Variants in GDPD1 observed in about 807,000 individuals in gnomAD.
The protein encoded by GDPD1 is lysophospholipase D GDPD1.
In GDPD1, 28 loss-of-function variants were observed where a neutral mutation model predicts 45.1. That is an observed-to-expected ratio of 0.62 (90% CI 0.46 to 0.85). GDPD1 has a LOEUF of 0.85. Ranked by LOEUF, GDPD1 falls within the 40% of genes least tolerant of loss-of-function variation. The probability of loss-of-function intolerance (pLI) is 0.00; values close to 1 mark genes in which losing one functional copy is unlikely to be tolerated. For missense variants in GDPD1, 256 were observed against 364.8 expected, an observed-to-expected ratio of 0.70 and a Z score of 2.43; for synonymous variants, 139 against 131.4, an observed-to-expected ratio of 1.06 and a Z score of -0.40.
rs1050614510 is a variant in GDPD1 at position 59,275,044 on chromosome 17, G to T, written c.*1271G>T. The T allele has an allele frequency of 6.2e-6, 5 of 803,122 alleles. No homozygotes were observed. Among genetic ancestry groups the T allele is most frequent in the Non-Finnish European group, 1.0e-5 (5 of 489,802 alleles). The allele number at this position is 803,122 out of a possible 1,614,324, so 49.7% of individuals were successfully genotyped here. On this transcript the variant is annotated 3_prime_UTR_variant, in exon 10 of 10. Transcript: ENST00000284116. ...TTTAGTAGAGACAGGGTTTTGCCAC[G>T]TTGGCCAGACTGGTCTCGAACTCCT...
intron 4 of GDPD1, among the ~76,000 whole-genome samples, chr17:59,251,348 G>C (rs2047252095): frequency 6.6e-6 from 1 of 151,736 alleles, no homozygotes; most frequent in East Asian, 2.0e-4. Context: ...GTGAAACCCT[G>C]TTTCTACTAA....
At chr17:59,259,647 G>T (rs1291273212) in intron 6 of GDPD1, among the ~76,000 whole-genome samples, 1 of 150,202 alleles carries the variant, frequency 6.7e-6, no homozygotes, top group African/African-American at 2.4e-5. Flanking sequence ...TTCTAGGGAG[G>T]CTGAGGCAGG....
At chr17:59,250,597 CAGTG>C (rs2047245257) in intron 4 of GDPD1, among the ~76,000 whole-genome samples, 1 of 127,346 alleles carries the variant, frequency 7.9e-6, no homozygotes, top group South Asian at 2.4e-4. Flanking sequence ...GCCTGGGTGA[CAGTG>C]AGACCTTGTC....
chr17:59,237,802 G>A, intron 2 of GDPD1, among the ~76,000 whole-genome samples: 1 of 152,010 alleles, frequency 6.6e-6, no homozygotes, highest in African/African-American at 2.4e-5. Flanking sequence ...GGGTGCAGTG[G>A]CTCACACCTG....
chr17:59,267,885 G>C (rs780383225), intron 7 of GDPD1, among the ~76,000 whole-genome samples: 4 of 151,932 alleles, frequency 2.6e-5, no homozygotes, highest in Admixed American at 2.0e-4. Context: ...GGTCAGGCTG[G>C]TCTCCAACTC....
Position 59,273,736 on chromosome 17 carries a change from C to T in GDPD1, c.908C>T (p.Thr303Ile), listed in dbSNP as rs1253862355. The change falls in exon 10 of 10, where the codon ACA (threonine) becomes ATA (isoleucine). Residue 303 changes from threonine (T) to isoleucine (I), a missense_variant. By Grantham distance (89) the Thr-to-Ile change is moderately conservative. Coordinates refer to ENST00000284116, the MANE Select transcript of GDPD1 (RefSeq NM_182569.4). ...ACTGGGGTGATGACAGACTATCCAA[C>T]AAAGCTTAGGGATTTTTTACATAAC... Reference protein sequence around the residue: ...GATGVMTDYPTKLRDFLHNFS... With the variant: ...GATGVMTDYPIKLRDFLHNFS... The T allele has an allele frequency of 1.9e-6, 3 of 1,583,108 alleles. No individual in the cohort carries two copies. In the East Asian group the frequency reaches 6.9e-5, roughly 37 times the overall value.
chr17:59,274,227 A>G lies in GDPD1; in HGVS notation c.*454A>G. On this transcript the variant is annotated 3_prime_UTR_variant, in exon 10 of 10. Coordinates refer to ENST00000284116, the MANE Select transcript of GDPD1 (RefSeq NM_182569.4). ...TCAAAGACTATTGGATACATTTGGC[A>G]TTGGGCTGAGTGTGGTGGCTCATGC... 1.1e-6 allele frequency: 1 copy of G among 948,118 alleles called. No individual in the cohort carries two copies. Among genetic ancestry groups the G allele is most frequent in the Non-Finnish European group, 1.3e-6 (1 of 796,462 alleles). 58.7% of individuals were successfully genotyped at this position (948,118 alleles called of 1,614,324 possible).
chr17:59,225,441 C>A (rs1329903718), intron 1 of GDPD1, among the ~76,000 whole-genome samples: 2 of 151,900 alleles, frequency 1.3e-5, no homozygotes, highest in Non-Finnish European at 2.9e-5. Context: ...ATGCAGAAAT[C>A]AGCTTGAAGG....
intron 4 of GDPD1, among the ~76,000 whole-genome samples, chr17:59,254,626 TAA>T (rs1307065705): frequency 2.0e-5 from 3 of 152,188 alleles, no homozygotes; most frequent in Non-Finnish European, 2.9e-5. Flanking sequence ...CTTTCAGTTA[TAA>T]GTGTTAGATG....
At chr17:59,224,563 G>T (rs1163872650) in intron 1 of GDPD1, among the ~76,000 whole-genome samples, 1 of 150,724 alleles carries the variant, frequency 6.6e-6, no homozygotes, top group Non-Finnish European at 1.5e-5. Flanking sequence ...AGGCGGAGCT[G>T]GCAGTGAGCC....
Position 59,275,820 on chromosome 17 carries a change from A to G in GDPD1, c.*2047A>G, listed in dbSNP as rs1444175315. On this transcript the variant is annotated 3_prime_UTR_variant, in exon 10 of 10. Coordinates refer to ENST00000284116, the MANE Select transcript of GDPD1 (RefSeq NM_182569.4). ...TGTGAGGTAAATGTAATCTGGAATA[A>G]TAAGTGTCTTTTACCTAGATTACAT... The G allele has an allele frequency of 6.6e-6, 1 of 152,342 alleles. No individual in the cohort carries two copies. Among genetic ancestry groups the G allele is most frequent in the Non-Finnish European group, 1.5e-5 (1 of 68,114 alleles). The allele number at this position is 152,342 out of a possible 1,614,324, so 9.4% of individuals were successfully genotyped here.
In GDPD1 at chr17:59,262,215, T is replaced by A. The variant is rs1048857040; in HGVS notation, c.576+4375T>A. Among the ~76,000 whole-genome samples, 10 of 152,088 alleles carry A rather than the reference T, an allele frequency of 6.6e-5. No homozygotes were observed. In the South Asian group the frequency reaches 8.3e-4, roughly 13 times the overall value. ...GATTACAGGCGTACAGGCATTTTTT[T>A]AAAAATAAAAATACGTTACCAGGGA... On this transcript the variant is annotated intron_variant, in intron 6 of 9. Coordinates refer to ENST00000284116, the MANE Select transcript of GDPD1 (RefSeq NM_182569.4).
At chr17:59,227,372 T>G (rs139128413) in intron 1 of GDPD1, among the ~76,000 whole-genome samples, 3,615 of 151,714 alleles carry the variant, frequency 0.024, 149 homozygotes, top group African/African-American at 0.083. Context: ...TGAGCTGAGA[T>G]TGCACCACTG....
At chr17:59,254,190 C>T (rs562555546) in intron 4 of GDPD1, among the ~76,000 whole-genome samples, 2 of 151,926 alleles carry the variant, frequency 1.3e-5, no homozygotes, top group African/African-American at 2.4e-5. Context: ...GGAGAAACCC[C>T]GTCTCTACTA....
intron 2 of GDPD1, among the ~76,000 whole-genome samples, chr17:59,238,474 C>G (rs2047151971): frequency 6.7e-6 from 1 of 149,436 alleles, no homozygotes; most frequent in Non-Finnish European, 1.5e-5. Flanking sequence ...AGTGCAGTGG[C>G]AAGATCTCGG....
At chr17:59,260,060 C>CAAAAAAAAAAAAAA (rs56936442) in intron 6 of GDPD1, among the ~76,000 whole-genome samples, 2 of 25,852 alleles carry the variant, frequency 7.7e-5, no homozygotes, top group Non-Finnish European at 1.4e-4. Flanking sequence ...GACCCTGTCT[C>CAAAAAAAAAAAAAA]AAAAAAAAAA....
chr17:59,227,092 A>G (rs1310412076), intron 1 of GDPD1, among the ~76,000 whole-genome samples: 1 of 151,992 alleles, frequency 6.6e-6, no homozygotes, highest in African/African-American at 2.4e-5. Context: ...TTTTCTGTAT[A>G]TTTCATCAAT....
chr17:59,255,859 A>ATATATATATATACGTGTACG (rs1568346999), intron 4 of GDPD1, among the ~76,000 whole-genome samples: 2 of 82,224 alleles, frequency 2.4e-5, no homozygotes, highest in East Asian at 3.5e-4. Flanking sequence ...ATACACACGT[A>ATATATATATATACGTGTACG]TATATATATA....
chr17:59,264,633 G>A (rs547650411), intron 6 of GDPD1, among the ~76,000 whole-genome samples: 7 of 151,972 alleles, frequency 4.6e-5, no homozygotes, highest in South Asian at 2.1e-4. Context: ...TTTCCCATAA[G>A]CTCTGTTATC....
Sources: allele counts gnomAD v4.1 joint callset (sites outside exome capture counted in the v4.1 genomes callset), GRCh38; gene constraint gnomAD v4.1.1; transcripts MANE v1.5; gene names NCBI Gene and HGNC (gene_info 2026-07-23, HGNC 2026-07-21).